AXDND1: variants seen among roughly 807,000 people sequenced by gnomAD.
AXDND1 encodes the protein axonemal dynein light chain domain-containing protein 1.
A neutral mutation model predicts 137.5 loss-of-function variants in AXDND1; 110 were observed. The observed-to-expected ratio is 0.80, with a 90% CI of 0.69 to 0.94. The LOEUF is 0.94. AXDND1 is among the 40% of genes least tolerant of loss of function. AXDND1 has a pLI of 0.00. For synonymous variants in AXDND1, 414 were observed against 399.7 expected (o/e 1.04, Z -0.43); for missense variants, 1,191 against 1,169.8 (o/e 1.02, Z -0.26).
At chr1:179,551,095 T>C in intron 25 of AXDND1, 1 of 1,582,892 alleles carries the variant, frequency 6.3e-7, no homozygotes, top group Non-Finnish European at 8.7e-7. Flanking sequence ...GGGCAGGGAA[T>C]GAGGACAGAG....
intron 9 of AXDND1, among the ~76,000 whole-genome samples, chr1:179,392,764 A>G (rs1205761149): frequency 6.6e-6 from 1 of 152,012 alleles, no homozygotes; most frequent in Non-Finnish European, 1.5e-5. Context: ...CTGTTTGTAT[A>G]TCTTCTTTTG....
intron 12 of AXDND1, among the ~76,000 whole-genome samples, chr1:179,420,190 T>C (rs1345274473): frequency 6.6e-6 from 1 of 152,268 alleles, no homozygotes; most frequent in Non-Finnish European, 1.5e-5. Flanking sequence ...TCAGCTTCTA[T>C]TGAAATGATG....
intron 16 of AXDND1, chr1:179,448,597 G>A (rs1376737871): frequency 3.6e-6 from 1 of 280,460 alleles, no homozygotes; most frequent in African/African-American, 2.3e-5. Context: ...TGTCTCCTGG[G>A]CACGCACACG....
At chr1:179,540,339 A>C (rs1432449343) in intron 25 of AXDND1, among the ~76,000 whole-genome samples, 1 of 151,904 alleles carries the variant, frequency 6.6e-6, no homozygotes, top group Non-Finnish European at 1.5e-5. Context: ...TTTTATCTAC[A>C]TTTTGTCTTT....
At chr1:179,462,102 G>C (rs1344851689) in intron 16 of AXDND1, among the ~76,000 whole-genome samples, 16 of 152,160 alleles carry the variant, frequency 1.1e-4, no homozygotes, top group Non-Finnish European at 2.9e-5. Context: ...AGTGGTGAGA[G>C]AGGGCATCCT....
rs74725910 is a variant in AXDND1 at position 179,474,854 on chromosome 1, C to A, written c.1997+6213C>A. On this transcript the variant is annotated intron_variant, in intron 17 of 25. Coordinates refer to ENST00000367618, the MANE Select transcript of AXDND1 (RefSeq NM_144696.6). ...ATATCTCCAGAGCAAGTCAGCGATCCTCAGACCAACCCCTCTTATCACAGG... is the reference window on the plus strand; with the variant it reads ...ATATCTCCAGAGCAAGTCAGCGATCATCAGACCAACCCCTCTTATCACAGG... 1.2e-4 allele frequency among the ~76,000 whole-genome samples: 19 copies of A among 152,334 alleles called. No individual in the cohort carries two copies. The East Asian group carries it at 3.7e-3, about 29-fold the overall frequency.
intron 6 of AXDND1, among the ~76,000 whole-genome samples, chr1:179,381,217 T>G (rs1416267759): frequency 6.6e-6 from 1 of 151,556 alleles, no homozygotes; most frequent in Non-Finnish European, 1.5e-5. Context: ...ATTTTTTGTA[T>G]TTTTGGTAGA....
Position 179,445,160 on chromosome 1 carries a change from A to C in AXDND1, c.1754A>C (p.Gln585Pro). The C allele has an allele frequency of 6.2e-7, 1 of 1,610,188 alleles. No individual in the cohort carries two copies. Among genetic ancestry groups the C allele is most frequent in the East Asian group, 2.2e-5 (1 of 44,772 alleles). ...ATGGAGGAAATTATCAAAAACATACAAAAACTCTACAAAGAATATGAAATA... is the reference window on the plus strand; with the variant it reads ...ATGGAGGAAATTATCAAAAACATACCAAAACTCTACAAAGAATATGAAATA... ...QYMEEIIKNI[Q>P]KLYKEYEIRI... Residue 585 changes from glutamine to proline, a missense_variant, in exon 16 of 26, where the codon CAA (glutamine) becomes CCA (proline). By Grantham distance (76) the Gln-to-Pro change is moderately conservative (BLOSUM62 -1). Coordinates refer to ENST00000367618, the MANE Select transcript of AXDND1 (RefSeq NM_144696.6).
At position 179,418,600 on chromosome 1, in the gene AXDND1, C is replaced by T. The variant is rs536471357; in HGVS notation, c.1230+7334C>T. On this transcript the variant is annotated intron_variant, in intron 12 of 25. Coordinates refer to ENST00000367618, the MANE Select transcript of AXDND1 (RefSeq NM_144696.6). ...GGCACCCCTCACCTCCCGGACGGGG[C>T]GGCTGGCCGGGCGGGGGGCTGACCC... Among the ~76,000 whole-genome samples the T allele has an allele frequency of 3.4e-3, 514 of 149,810 alleles. 3 individuals carry two copies. The highest frequency in any genetic ancestry group is 0.012 in the African/African-American group (482 of 40,756).
chr1:179,511,393 G>GGTGC (rs1553300906), intron 21 of AXDND1, among the ~76,000 whole-genome samples: 39 of 145,120 alleles, frequency 2.7e-4, no homozygotes, highest in African/African-American at 9.7e-4. Context: ...TGGTATATGG[G>GGTGC]GTGTGTGTGT....
chr1:179,442,522 A>G (rs1180664587), intron 15 of AXDND1, among the ~76,000 whole-genome samples: 2 of 152,202 alleles, frequency 1.3e-5, no homozygotes, highest in African/African-American at 4.8e-5. Flanking sequence ...AGCTTAGTCA[A>G]TGTCTGAGAA....
chr1:179,383,661 T>A, intron 8 of AXDND1, 117 bp downstream of exon 8: 1 of 706,726 alleles, frequency 1.4e-6, no homozygotes, highest in Non-Finnish European at 2.4e-6. Context: ...ACAAGTCATT[T>A]AATGTATTTG....
In AXDND1 at chr1:179,468,508, C is replaced by A. The variant is rs1663513800; in HGVS notation, c.1864C>A (p.Leu622Met). ...CTTCTGTTCTTTCAAGTTGGAAAACCTGGAGTTTCCTGATACGCCTCTTGA... is the reference window on the plus strand; with the variant it reads ...CTTCTGTTCTTTCAAGTTGGAAAACATGGAGTTTCCTGATACGCCTCTTGA... ...LDFCSFKLEN[L>M]EFPDTPLEEW... The change falls in exon 17 of 26, where the codon CTG becomes ATG. Residue 622 changes from leucine to methionine, a missense_variant. Coordinates refer to ENST00000367618, the MANE Select transcript of AXDND1 (RefSeq NM_144696.6). 2 of 1,612,894 alleles carry A rather than the reference C, an allele frequency of 1.2e-6. No individual in the cohort carries two copies. Among genetic ancestry groups the A allele is most frequent in the African/African-American group, 1.3e-5 (1 of 74,866 alleles).
chr1:179,400,599 A>AT (rs1278295042), intron 11 of AXDND1, among the ~76,000 whole-genome samples: 1 of 101,996 alleles, frequency 9.8e-6, no homozygotes, highest in South Asian at 3.3e-4. Context: ...TAGGGAAGAA[A>AT]TAAAAAAAAA....
chr1:179,480,609 A>ATG (rs2125531211), intron 17 of AXDND1, among the ~76,000 whole-genome samples: 1 of 152,292 alleles, frequency 6.6e-6, no homozygotes, highest in South Asian at 2.1e-4. Flanking sequence ...CCTGGTGTAT[A>ATG]TGTCACACTT....
At chr1:179,467,225 T>C (rs925126436) in intron 16 of AXDND1, among the ~76,000 whole-genome samples, 4 of 152,172 alleles carry the variant, frequency 2.6e-5, no homozygotes, top group African/African-American at 2.4e-5. Flanking sequence ...CCCTGAACCA[T>C]TGACTGGCAC....
At chr1:179,513,054 CCTTCT>C (rs1008768956) in intron 21 of AXDND1, among the ~76,000 whole-genome samples, 1 of 152,094 alleles carries the variant, frequency 6.6e-6, no homozygotes, top group African/African-American at 2.4e-5. Context: ...TCCTTTATTT[CCTTCT>C]CTTGTCTGAT....
At position 179,411,286 on chromosome 1, in the gene AXDND1, C is replaced by T. The variant is rs765533798; in HGVS notation, c.1230+20C>T. On this transcript the variant is annotated intron_variant, in intron 12 of 25. Transcript: ENST00000367618. ...CTGAAGGTTAGTTCATCTGGATTCA[C>T]AACTCACACTTCTTTTTTGGCTAAA... 33 of 1,600,298 alleles carry T rather than the reference C, an allele frequency of 2.1e-5. No individual in the cohort carries two copies. In the Middle Eastern group the frequency reaches 5.0e-4, roughly 24 times the overall value.
intron 14 of AXDND1, among the ~76,000 whole-genome samples, chr1:179,431,481 TTTG>T (rs996306632): frequency 2.2e-4 from 30 of 139,086 alleles, no homozygotes; most frequent in Non-Finnish European, 3.7e-4. Flanking sequence ...TGTTTGTTTG[TTTG>T]TTGTTGTTGT....
Sources: allele counts gnomAD v4.1 joint callset (sites outside exome capture counted in the v4.1 genomes callset), GRCh38; gene constraint gnomAD v4.1.1; transcripts MANE v1.5; gene names NCBI Gene and HGNC (gene_info 2026-07-23, HGNC 2026-07-21).